MDGA2: variants seen among roughly 807,000 people sequenced by gnomAD.
The protein encoded by MDGA2 is MAM domain containing glycosylphosphatidylinositol anchor 2, also known as MAM domain-containing glycosylphosphatidylinositol anchor protein 2.
MDGA2 carries 40 observed loss-of-function variants against 117.8 expected under a neutral mutation model. That is an observed-to-expected ratio of 0.34 (90% CI 0.26 to 0.44). The LOEUF (loss-of-function observed/expected upper bound fraction) is 0.44, where lower values mean the gene tolerates loss of function less well. Ranked by LOEUF, MDGA2 falls within the 20% of genes least tolerant of loss-of-function variation. The probability of loss-of-function intolerance (pLI) is 1.00; values close to 1 mark genes in which losing one functional copy is unlikely to be tolerated. For synonymous variants in MDGA2, 452 were observed against 439.0 expected, an observed-to-expected ratio of 1.03 and a Z score of -0.37; for missense variants, 1,123 against 1,250.6, an observed-to-expected ratio of 0.90 and a Z score of 1.54.
intron 1 of MDGA2, among the ~76,000 whole-genome samples, chr14:47,534,525 G>C (rs1368288232): frequency 6.6e-6 from 1 of 152,158 alleles, no homozygotes; most frequent in Non-Finnish European, 1.5e-5. Flanking sequence ...AAGTGAGAGA[G>C]AGCCAGGAGA....
At chr14:47,082,461 C>T (rs931371651) in intron 6 of MDGA2, among the ~76,000 whole-genome samples, 3 of 151,922 alleles carry the variant, frequency 2.0e-5, no homozygotes, top group African/African-American at 7.3e-5. Flanking sequence ...GAGTACTCGA[C>T]TGGAAACACT....
intron 1 of MDGA2, among the ~76,000 whole-genome samples, chr14:47,399,994 C>T (rs1336609632): frequency 6.6e-6 from 1 of 152,082 alleles, no homozygotes; most frequent in Non-Finnish European, 1.5e-5. Flanking sequence ...CACTTACCTC[C>T]AATTTACTTC....
chr14:47,510,933 G>A (rs1198820250), intron 1 of MDGA2, among the ~76,000 whole-genome samples: 1 of 152,058 alleles, frequency 6.6e-6, no homozygotes, highest in Non-Finnish European at 1.5e-5. Context: ...TTTGGTACAG[G>A]CCTCATTAAG....
chr14:47,470,329 T>C (rs1893697746), intron 1 of MDGA2, among the ~76,000 whole-genome samples: 1 of 149,170 alleles, frequency 6.7e-6, no homozygotes, highest in African/African-American at 2.5e-5. Flanking sequence ...TGTGTTCTCA[T>C]TGTTCAACTC....
chr14:46,995,216 A>G (rs750823278), intron 8 of MDGA2, among the ~76,000 whole-genome samples: 26 of 152,154 alleles, frequency 1.7e-4, no homozygotes, highest in Non-Finnish European at 3.7e-4. Flanking sequence ...CTAAATTACT[A>G]TTACTGGCTA....
chr14:47,084,498 TAA>T (rs35071143), intron 6 of MDGA2, among the ~76,000 whole-genome samples: 21,808 of 139,660 alleles, frequency 0.16, 1,652 homozygotes, highest in East Asian at 0.31. Flanking sequence ...CAGCAAAAAT[TAA>T]AAAAAAAAAA....
At chr14:47,067,559 A>G (rs1890130582) in intron 6 of MDGA2, among the ~76,000 whole-genome samples, 1 of 152,110 alleles carries the variant, frequency 6.6e-6, no homozygotes, top group African/African-American at 2.4e-5. Context: ...TTTCAGATTC[A>G]TCTAATAAAC....
chr14:47,475,680 T>G (rs1893821351), intron 1 of MDGA2, among the ~76,000 whole-genome samples: 1 of 152,166 alleles, frequency 6.6e-6, no homozygotes, highest in Non-Finnish European at 1.5e-5. Context: ...TTCAGGGACA[T>G]AGATGGAGCT....
At chr14:46,929,376 A>G (rs533949236) in intron 9 of MDGA2, among the ~76,000 whole-genome samples, 1 of 151,284 alleles carries the variant, frequency 6.6e-6, no homozygotes, top group South Asian at 2.1e-4. Flanking sequence ...AACCCCTAAA[A>G]AGGGAAAATG....
At chr14:46,937,853 A>G (rs2138571056) in intron 9 of MDGA2, among the ~76,000 whole-genome samples, 1 of 152,190 alleles carries the variant, frequency 6.6e-6, no homozygotes. Context: ...AACTATTAGA[A>G]GAAAACATAG....
At chr14:47,523,074 C>T (rs2138717112) in intron 1 of MDGA2, among the ~76,000 whole-genome samples, 1 of 152,208 alleles carries the variant, frequency 6.6e-6, no homozygotes, top group East Asian at 1.9e-4. Context: ...TTGTTGTGTA[C>T]ATTTATATAG....
At chr14:46,956,386 G>A (rs990620933) in intron 9 of MDGA2, among the ~76,000 whole-genome samples, 1 of 151,862 alleles carries the variant, frequency 6.6e-6, no homozygotes, top group African/African-American at 2.4e-5. Flanking sequence ...AATTACATAA[G>A]ACATAATACA....
At chr14:47,062,218 T>C (rs1889910264) in intron 6 of MDGA2, among the ~76,000 whole-genome samples, 1 of 152,058 alleles carries the variant, frequency 6.6e-6, no homozygotes, top group Non-Finnish European at 1.5e-5. Flanking sequence ...TACATAGATG[T>C]TTCCAGTTAA....
intron 8 of MDGA2, among the ~76,000 whole-genome samples, chr14:46,971,237 A>G (rs1021345407): frequency 2.0e-5 from 3 of 152,292 alleles, no homozygotes; most frequent in Admixed American, 2.0e-4. Flanking sequence ...AGAAATGTAT[A>G]TATCAAAGGG....
chr14:47,462,228 T>C (rs1054825881), intron 1 of MDGA2, among the ~76,000 whole-genome samples: 1 of 151,702 alleles, frequency 6.6e-6, no homozygotes, highest in Non-Finnish European at 1.5e-5. Context: ...TACAAAAAAT[T>C]AGCTGGGCGT....
chr14:46,990,899 C>CACACACACAT (rs147192624), intron 8 of MDGA2, among the ~76,000 whole-genome samples: 7 of 146,806 alleles, frequency 4.8e-5, no homozygotes, highest in African/African-American at 1.3e-4. Flanking sequence ...CACACACACA[C>CACACACACAT]ACCCCGCGTA....
intron 1 of MDGA2, among the ~76,000 whole-genome samples, chr14:47,562,691 G>A (rs566260566): frequency 6.6e-6 from 1 of 152,028 alleles, no homozygotes; most frequent in Non-Finnish European, 1.5e-5. Flanking sequence ...TCCTGAATTT[G>A]TTGCTTTGGT....
intron 9 of MDGA2, among the ~76,000 whole-genome samples, chr14:46,929,085 G>A (rs1486486908): frequency 6.6e-6 from 1 of 152,082 alleles, no homozygotes; most frequent in Non-Finnish European, 1.5e-5. Flanking sequence ...ATTATTTCAG[G>A]ATGTTACAGT....
intron 1 of MDGA2, among the ~76,000 whole-genome samples, chr14:47,372,457 A>C (rs1308676097): frequency 1.3e-5 from 2 of 152,070 alleles, no homozygotes; most frequent in South Asian, 2.1e-4. Context: ...TTAAATTGCT[A>C]ATCAACATAT....
Sources: allele counts gnomAD v4.1 joint callset (sites outside exome capture counted in the v4.1 genomes callset), GRCh38; gene constraint gnomAD v4.1.1; transcripts MANE v1.5; gene names NCBI Gene and HGNC (gene_info 2026-07-23, HGNC 2026-07-21).